PDE11A: variants seen among roughly 807,000 people sequenced by gnomAD.
The protein encoded by PDE11A is phosphodiesterase 11A.
A neutral mutation model predicts 100.5 loss-of-function variants in PDE11A; 100 were observed. The observed-to-expected ratio is 1.00, with a 90% CI of 0.85 to 1.18. PDE11A has a LOEUF of 1.18. PDE11A is among the 50% of genes most tolerant of loss of function. The pLI is 0.00. For missense variants in PDE11A, 1,141 were observed against 1,152.6 expected (o/e 0.99, Z 0.15); for synonymous variants, 381 against 420.8 (o/e 0.91, Z 1.16).
chr2:177,735,406 A>T (rs2081763796), intron 10 of PDE11A, among the ~76,000 whole-genome samples: 1 of 145,626 alleles, frequency 6.9e-6, no homozygotes, highest in Non-Finnish European at 1.5e-5. Flanking sequence ...TCGTGGAAAA[A>T]AAAAACCCCA....
intron 1 of PDE11A, among the ~76,000 whole-genome samples, chr2:178,041,999 C>A (rs1465799887): frequency 6.6e-6 from 1 of 152,126 alleles, no homozygotes; most frequent in African/African-American, 2.4e-5. Context: ...GCTTTCTTTT[C>A]AAAAAATTGT....
intron 19 of PDE11A, among the ~76,000 whole-genome samples, chr2:177,633,954 C>T (rs1261047085): frequency 6.6e-6 from 1 of 152,070 alleles, no homozygotes; most frequent in African/African-American, 2.4e-5. Context: ...ATATTTCTGG[C>T]TCTGTTTTAC....
intron 2 of PDE11A, among the ~76,000 whole-genome samples, chr2:177,907,251 T>C (rs2084803995): frequency 6.6e-6 from 1 of 152,188 alleles, no homozygotes; most frequent in Admixed American, 6.5e-5. Flanking sequence ...TTTTCTTATC[T>C]GTAAATGCCA....
At chr2:177,959,115 G>C (rs973849034) in intron 2 of PDE11A, among the ~76,000 whole-genome samples, 4 of 152,120 alleles carry the variant, frequency 2.6e-5, no homozygotes, top group African/African-American at 9.7e-5. Flanking sequence ...CCAGGGAAGG[G>C]GTATTGAGTG....
At chr2:177,723,462 T>G (rs904337256) in intron 12 of PDE11A, among the ~76,000 whole-genome samples, 1 of 152,124 alleles carries the variant, frequency 6.6e-6, no homozygotes, top group African/African-American at 2.4e-5. Flanking sequence ...CACCATAAAT[T>G]TTAATGTGAT....
chr2:177,817,917 G>T lies in PDE11A; in HGVS notation c.1585C>A (p.Gln529Lys). The change falls in exon 8 of 20, where the codon CAA (glutamine) becomes AAA (lysine). Residue 529 changes from glutamine (Q) to lysine (K), a missense_variant. Physicochemically the swap from Gln to Lys is moderately conservative, Grantham distance 53. Coordinates refer to ENST00000286063, the MANE Select transcript of PDE11A (RefSeq NM_016953.4). Reference sequence around the variant, plus strand: ...TTCCCATCAAGTCTGTTTAACACTTGAGCCACTCCTATGGGGAAAGAGTGG... The same window carrying T: ...TTCCCATCAAGTCTGTTTAACACTTTAGCCACTCCTATGGGGAAAGAGTGG... ...NSNHQIIGVA[Q>K]VLNRLDGKPF... 6.7e-7 allele frequency: 1 copy of T among 1,491,996 alleles called. No homozygotes were observed. Among genetic ancestry groups the T allele is most frequent in the South Asian group, 1.1e-5 (1 of 88,588 alleles). 92.4% of individuals were successfully genotyped at this position (1,491,996 alleles called of 1,614,324 possible).
chr2:177,666,681 G>C (rs1314380709), intron 18 of PDE11A, among the ~76,000 whole-genome samples: 3 of 151,830 alleles, frequency 2.0e-5, no homozygotes, highest in Non-Finnish European at 2.9e-5. Context: ...GTGCTTTGTG[G>C]CCATTTACAT....
At chr2:177,635,187 C>A (rs560526995) in intron 19 of PDE11A, among the ~76,000 whole-genome samples, 8 of 152,202 alleles carry the variant, frequency 5.3e-5, no homozygotes, top group Non-Finnish European at 7.3e-5. Context: ...ATCTATACCC[C>A]TGTAACTTCT....
chr2:177,911,977 G>A (rs1462576331), intron 2 of PDE11A, among the ~76,000 whole-genome samples: 1 of 152,134 alleles, frequency 6.6e-6, no homozygotes, highest in African/African-American at 2.4e-5. Context: ...AGAATAGGGT[G>A]GGGGACTTCA....
intron 1 of PDE11A, among the ~76,000 whole-genome samples, chr2:178,034,731 C>T (rs562269666): frequency 4.9e-4 from 74 of 152,240 alleles, no homozygotes; most frequent in African/African-American, 1.5e-3. Flanking sequence ...CACTAAAAAC[C>T]GCACAACTAC....
At chr2:177,791,789 G>A (rs1340157416) in intron 9 of PDE11A, among the ~76,000 whole-genome samples, 1 of 152,032 alleles carries the variant, frequency 6.6e-6, no homozygotes, top group African/African-American at 2.4e-5. Context: ...ACTATATTTT[G>A]TTACCTATAG....
intron 15 of PDE11A, among the ~76,000 whole-genome samples, chr2:177,684,869 A>G (rs2105511958): frequency 6.6e-6 from 1 of 152,356 alleles, no homozygotes. Flanking sequence ...TTAAAATAAC[A>G]GCTGCCCCAA....
chr2:177,936,550 G>A (rs2085274588), intron 2 of PDE11A, among the ~76,000 whole-genome samples: 1 of 152,332 alleles, frequency 6.6e-6, no homozygotes, highest in Admixed American at 6.5e-5. Flanking sequence ...CCATCACAGA[G>A]GGTCTACCAC....
chr2:178,025,004 C>T (rs1265359749), intron 1 of PDE11A, among the ~76,000 whole-genome samples: 1 of 152,190 alleles, frequency 6.6e-6, no homozygotes, highest in Non-Finnish European at 1.5e-5. Flanking sequence ...AAAACAAAGA[C>T]ACAGCATGTG....
intron 9 of PDE11A, among the ~76,000 whole-genome samples, chr2:177,780,408 G>C (rs568534261): frequency 2.7e-4 from 41 of 152,144 alleles, no homozygotes; most frequent in African/African-American, 8.4e-4. Context: ...ATTCTTAAGG[G>C]CCCGAGGATT....
chr2:177,812,229 T>C (rs934802), intron 9 of PDE11A, among the ~76,000 whole-genome samples: 61,679 of 151,904 alleles, frequency 0.41, 14,357 homozygotes, highest in African/African-American at 0.64. Flanking sequence ...AAAACAGGCT[T>C]CTTATACCCA....
At chr2:178,011,256 G>A (rs941332759) in intron 2 of PDE11A, among the ~76,000 whole-genome samples, 1 of 152,074 alleles carries the variant, frequency 6.6e-6, no homozygotes, top group Non-Finnish European at 1.5e-5. Flanking sequence ...AGGGCATGAT[G>A]AGAGCAAAAA....
At chr2:177,986,601 G>A (rs1325068509) in intron 2 of PDE11A, among the ~76,000 whole-genome samples, 2 of 152,120 alleles carry the variant, frequency 1.3e-5, no homozygotes, top group African/African-American at 4.8e-5. Flanking sequence ...GGAGGCCGAG[G>A]TGGGAGGATC....
chr2:177,911,668 A>C (rs2084882868), intron 2 of PDE11A, among the ~76,000 whole-genome samples: 1 of 152,102 alleles, frequency 6.6e-6, no homozygotes, highest in Non-Finnish European at 1.5e-5. Flanking sequence ...TGGATCACTT[A>C]AGGTCAGGAG....
Sources: allele counts gnomAD v4.1 joint callset (sites outside exome capture counted in the v4.1 genomes callset), GRCh38; gene constraint gnomAD v4.1.1; transcripts MANE v1.5; gene names NCBI Gene and HGNC (gene_info 2026-07-23, HGNC 2026-07-21).